The following LAMA2 variants were observed in gnomAD, a reference collection of about 807,000 sequenced individuals.
The protein encoded by LAMA2 is laminin subunit alpha 2, also known as laminin subunit alpha-2.
In LAMA2, 269 loss-of-function variants were observed where a neutral mutation model predicts 364.8. The ratio of observed to expected loss-of-function variants is 0.74; its 90% CI spans 0.67 to 0.82. The LOEUF is 0.82. Ranked by LOEUF, LAMA2 falls within the 40% of genes least tolerant of loss-of-function variation. The pLI is 0.00. For missense variants in LAMA2, 3,807 were observed against 3,873.2 expected, an observed-to-expected ratio of 0.98 and a Z score of 0.45; for synonymous variants, 1,379 against 1,370.6, an observed-to-expected ratio of 1.01 and a Z score of -0.14.
chr6:129,173,326 C>G (rs1461536982), intron 9 of LAMA2, among the ~76,000 whole-genome samples: 2 of 152,174 alleles, frequency 1.3e-5, no homozygotes, highest in Non-Finnish European at 2.9e-5. Context: ...TTCACAACAC[C>G]TCCCTCCTTC....
At chr6:129,210,884 T>A (rs1051639506) in intron 12 of LAMA2, among the ~76,000 whole-genome samples, 13 of 151,906 alleles carry the variant, frequency 8.6e-5, no homozygotes, top group African/African-American at 2.9e-4. Context: ...GTCGACAGAG[T>A]TCATTTTAGT....
At chr6:129,051,622 A>G (rs1788026695) in intron 2 of LAMA2, among the ~76,000 whole-genome samples, 1 of 149,110 alleles carries the variant, frequency 6.7e-6, no homozygotes, top group South Asian at 2.1e-4. Context: ...ATTAAAAGGT[A>G]GATATATATT....
rs141343279 is a variant in LAMA2 at position 129,508,171 on chromosome 6, A to C, written c.8857+529A>C. On this transcript the variant is annotated intron_variant, in intron 62 of 64. Coordinates refer to ENST00000421865, the MANE Select transcript of LAMA2 (RefSeq NM_000426.4). The stretch of plus-strand genomic sequence containing the variant: ...TATGGTTTTATATCACTGGTCATGA[A>C]GGTACAGTTAGGAAAAAGAAATAGG... Among the ~76,000 whole-genome samples, 17 of 152,350 alleles carry C rather than the reference A, an allele frequency of 1.1e-4. No individual in the cohort carries two copies. In the East Asian group the frequency reaches 3.1e-3, roughly 28 times the overall value.
chr6:129,083,660 T>C (rs1774198627), intron 3 of LAMA2, among the ~76,000 whole-genome samples: 2 of 152,198 alleles, frequency 1.3e-5, no homozygotes, highest in African/African-American at 4.8e-5. Context: ...ACTAATCTAA[T>C]TTCTCTTTCT....
At chr6:129,316,215 G>T (rs1422907471) in intron 27 of LAMA2, 44 bp downstream of exon 27, 2 of 1,487,348 alleles carry the variant, frequency 1.3e-6, no homozygotes. Flanking sequence ...TTTAGAGTCT[G>T]TAAGGAAGGT....
chr6:129,171,353 C>G (rs369431072), intron 9 of LAMA2, among the ~76,000 whole-genome samples: 42,265 of 151,886 alleles, frequency 0.28, 8,035 homozygotes, highest in African/African-American at 0.55. Context: ...TTCAGGAGCT[C>G]TTTTAGGGCA....
At chr6:129,259,291 C>T (rs559320054) in intron 14 of LAMA2, among the ~76,000 whole-genome samples, 5 of 152,140 alleles carry the variant, frequency 3.3e-5, no homozygotes, top group Non-Finnish European at 2.9e-5. Flanking sequence ...TTCCCAAATT[C>T]CCAGCATTGA....
At chr6:129,370,937 C>A (rs576737215) in intron 34 of LAMA2, among the ~76,000 whole-genome samples, 1 of 152,232 alleles carries the variant, frequency 6.6e-6, no homozygotes, top group African/African-American at 2.4e-5. Context: ...TAAACAACGG[C>A]CCTGATGTTA....
chr6:129,114,976 A>G (rs910760724), intron 4 of LAMA2, among the ~76,000 whole-genome samples: 5 of 152,110 alleles, frequency 3.3e-5, no homozygotes, highest in Non-Finnish European at 5.9e-5. Context: ...AAAAATCGGT[A>G]ACAAAATAAC....
intron 4 of LAMA2, among the ~76,000 whole-genome samples, chr6:129,128,857 C>A (rs1777276380): frequency 6.6e-6 from 1 of 152,120 alleles, no homozygotes; most frequent in Non-Finnish European, 1.5e-5. Context: ...ATAGTAAAAT[C>A]TTTTCCATGG....
chr6:129,228,217 G>T (rs933439222), intron 12 of LAMA2, among the ~76,000 whole-genome samples: 1 of 152,110 alleles, frequency 6.6e-6, no homozygotes, highest in Non-Finnish European at 1.5e-5. Flanking sequence ...GATTTTCCAG[G>T]TGCCGTCTGT....
intron 51 of LAMA2, among the ~76,000 whole-genome samples, chr6:129,473,012 C>G (rs923480943): frequency 1.3e-5 from 2 of 151,862 alleles, no homozygotes; most frequent in Non-Finnish European, 1.5e-5. Flanking sequence ...CTATTATTTT[C>G]ATGCTCTTTG....
chr6:128,933,144 G>T (rs1030622355), intron 1 of LAMA2, among the ~76,000 whole-genome samples: 21 of 151,814 alleles, frequency 1.4e-4, no homozygotes, highest in South Asian at 4.1e-4. Flanking sequence ...TGCCCTTCAG[G>T]CTTATCCATG....
chr6:129,251,942 A>AG, intron 13 of LAMA2, 142 bp from the exon 14 acceptor site: 1 of 633,490 alleles, frequency 1.6e-6, no homozygotes, highest in East Asian at 2.8e-5. Flanking sequence ...CTCCAAAAAA[A>AG]AATAAATAAA....
Position 129,315,344 on chromosome 6 carries a change from A to C in LAMA2, c.3556-132A>C, listed in dbSNP as rs556853404. ...CTGCCATGCTTGCCCACTGCGTGTG[A>C]GTTCTGTTGCTTGTGAGAACATCAT... On this transcript the variant is annotated intron_variant, in intron 24 of 64. Coordinates refer to ENST00000421865, the MANE Select transcript of LAMA2 (RefSeq NM_000426.4). 4.1e-5 allele frequency: 31 copies of C among 755,980 alleles called. No homozygotes were observed. The African/African-American group carries it at 5.4e-4, about 13-fold the overall frequency. The allele number at this position is 755,980 out of a possible 1,614,324, so 46.8% of individuals were successfully genotyped here. A position where few individuals can be genotyped will look rare whatever the true frequency, so the allele number is the denominator to read the frequency against.
chr6:129,385,312 GA>G, intron 35 of LAMA2, among the ~76,000 whole-genome samples: 1 of 91,666 alleles, frequency 1.1e-5, no homozygotes, highest in African/African-American at 8.7e-5. Flanking sequence ...GAAGAAAAGG[GA>G]AGGAAGGAAG....
chr6:129,343,854 G>A (rs2114571946), intron 30 of LAMA2, among the ~76,000 whole-genome samples: 1 of 152,204 alleles, frequency 6.6e-6, no homozygotes, highest in Middle Eastern at 3.4e-3. Context: ...CATGTATAAT[G>A]GGTCTTAAAC....
chr6:128,916,023 A>G (rs1778289238), intron 1 of LAMA2, among the ~76,000 whole-genome samples: 1 of 152,190 alleles, frequency 6.6e-6, no homozygotes. Flanking sequence ...ATTTAATTGC[A>G]TGTGTACCTA....
chr6:129,497,303 T>A (rs527733892), intron 58 of LAMA2, among the ~76,000 whole-genome samples: 2 of 152,230 alleles, frequency 1.3e-5, no homozygotes, highest in Non-Finnish European at 2.9e-5. Context: ...AGTGGCGCAA[T>A]CATGGCTTAC....
Sources: allele counts gnomAD v4.1 joint callset (sites outside exome capture counted in the v4.1 genomes callset), GRCh38; gene constraint gnomAD v4.1.1; transcripts MANE v1.5; gene names NCBI Gene and HGNC (gene_info 2026-07-23, HGNC 2026-07-21).